The following TENM3 variants were observed in gnomAD, a reference collection of about 807,000 sequenced individuals.
TENM3 encodes the protein teneurin transmembrane protein 3.
Under a neutral mutation model 255.1 loss-of-function variants are expected in TENM3, and 63 were observed. That is an observed-to-expected ratio of 0.25 (90% CI 0.20 to 0.30). The LOEUF is 0.30. TENM3 is among the 10% of genes least tolerant of loss of function. TENM3 has a pLI of 1.00. For missense variants in TENM3, 2,929 were observed against 3,461.1 expected, an observed-to-expected ratio of 0.85 and a Z score of 3.86; for synonymous variants, 1,306 against 1,322.3, an observed-to-expected ratio of 0.99 and a Z score of 0.27.
chr4:181,690,621 A>G, the TENM3 span, among the ~76,000 whole-genome samples: 1 of 151,406 alleles, frequency 6.6e-6, no homozygotes, highest in Admixed American at 6.6e-5. Context: ...TGCTCATTCA[A>G]ACCAGAGAGA....
At chr4:182,615,975 T>G (rs1749476320) in intron 4 of TENM3, among the ~76,000 whole-genome samples, 2 of 152,172 alleles carry the variant, frequency 1.3e-5, no homozygotes, top group South Asian at 4.1e-4. Context: ...CTTACTGCAG[T>G]GATTCTCAGA....
At chr4:182,606,523 CAAAAA>C (rs746315807) in intron 4 of TENM3, among the ~76,000 whole-genome samples, 4 of 51,724 alleles carry the variant, frequency 7.7e-5, no homozygotes, top group Non-Finnish European at 1.4e-4. Context: ...GACTCTGTCT[CAAAAA>C]AAAAAAAAAA....
At chr4:182,214,071 G>T (rs974153801) in intron 1 of TENM3, among the ~76,000 whole-genome samples, 4 of 152,130 alleles carry the variant, frequency 2.6e-5, no homozygotes, top group African/African-American at 7.2e-5. Context: ...CCAAGTGCTG[G>T]GATTACAGGT....
the TENM3 span, among the ~76,000 whole-genome samples, chr4:181,579,300 C>G: frequency 6.6e-6 from 1 of 152,156 alleles, no homozygotes; most frequent in African/African-American, 2.4e-5. Context: ...CTCCTAACCA[C>G]TCCCCCCACA....
the TENM3 span, among the ~76,000 whole-genome samples, chr4:181,874,888 G>T: frequency 6.6e-6 from 1 of 152,220 alleles, no homozygotes; most frequent in South Asian, 2.1e-4. Context: ...CAAATATAGA[G>T]TTCCCTCTAT....
chr4:182,228,076 G>A (rs530064648), intron 1 of TENM3, among the ~76,000 whole-genome samples: 2 of 152,168 alleles, frequency 1.3e-5, no homozygotes, highest in African/African-American at 4.8e-5. Flanking sequence ...GAGCGGGTTG[G>A]GGCAGGAGGA....
At chr4:182,477,114 G>C (rs1321215384) in intron 3 of TENM3, among the ~76,000 whole-genome samples, 1 of 152,166 alleles carries the variant, frequency 6.6e-6, no homozygotes, top group Non-Finnish European at 1.5e-5. Context: ...AGTGACCTTG[G>C]CTGCTGTGTA....
chr4:182,317,748 CTTAA>C (rs1454083589), intron 1 of TENM3, among the ~76,000 whole-genome samples: 1 of 151,620 alleles, frequency 6.6e-6, no homozygotes, highest in Non-Finnish European at 1.5e-5. Context: ...TATTTTTGTA[CTTAA>C]TTATTTCAAT....
intron 3 of TENM3, among the ~76,000 whole-genome samples, chr4:182,526,488 T>C (rs1739199170): frequency 6.6e-6 from 1 of 152,164 alleles, no homozygotes; most frequent in Admixed American, 6.5e-5. Context: ...TGGGACTCTA[T>C]ACCTGACATC....
chr4:181,723,613 A>C, the TENM3 span, among the ~76,000 whole-genome samples: 1 of 152,122 alleles, frequency 6.6e-6, no homozygotes, highest in African/African-American at 2.4e-5. Context: ...GTTGTAGTTC[A>C]AAAGTTCTTC....
At chr4:181,920,703 AGTTT>A in the TENM3 span, among the ~76,000 whole-genome samples, 1 of 151,454 alleles carries the variant, frequency 6.6e-6, no homozygotes. Context: ...CTCTGATGGT[AGTTT>A]CTTTTGCTGT....
At chr4:182,420,497 T>A (rs1770749414) in intron 3 of TENM3, among the ~76,000 whole-genome samples, 1 of 152,240 alleles carries the variant, frequency 6.6e-6, no homozygotes, top group African/African-American at 2.4e-5. Context: ...ACGACTCTTC[T>A]GTGAAATGAC....
At chr4:182,653,184 G>C (rs12331243) in intron 5 of TENM3, among the ~76,000 whole-genome samples, 79,986 of 151,980 alleles carry the variant, frequency 0.53, 22,282 homozygotes, top group African/African-American at 0.7. Flanking sequence ...ACATGTACAT[G>C]CTTTTTAATC....
In TENM3 at chr4:182,575,874, A is replaced by G. The variant is rs548069777; in HGVS notation, c.512-25050A>G. On this transcript the variant is annotated intron_variant, in intron 3 of 27. Coordinates refer to ENST00000511685, the MANE Select transcript of TENM3 (RefSeq NM_001080477.4). ...CCCTAAACATGAATAATAATAAGTC[A>G]GAGAGTAAAGTTCTAGGTTGAAATA... Among the ~76,000 whole-genome samples, 13 of 152,356 alleles carry G rather than the reference A, an allele frequency of 8.5e-5. No homozygotes were observed. The East Asian group carries it at 2.1e-3, about 25-fold the overall frequency.
the TENM3 span, among the ~76,000 whole-genome samples, chr4:181,779,459 G>C: frequency 8.6e-5 from 13 of 151,402 alleles, no homozygotes; most frequent in Non-Finnish European, 1.8e-4. Context: ...AAACCACCCT[G>C]GGATGTATCT....
chr4:182,519,411 A>G (rs1194856340), intron 3 of TENM3, among the ~76,000 whole-genome samples: 2 of 152,204 alleles, frequency 1.3e-5, no homozygotes, highest in East Asian at 3.8e-4. Flanking sequence ...CTACTCAGAA[A>G]TAAGCATTGT....
the TENM3 span, among the ~76,000 whole-genome samples, chr4:182,066,493 C>T: frequency 9.2e-4 from 139 of 151,442 alleles, no homozygotes; most frequent in Non-Finnish European, 1.7e-3. Context: ...CATTAGGGAA[C>T]GAATTTAAGA....
the TENM3 span, among the ~76,000 whole-genome samples, chr4:181,985,314 A>G: frequency 1.4e-3 from 208 of 145,524 alleles, 12 homozygotes; most frequent in South Asian, 0.044. Context: ...TAAGGTTCCC[A>G]TAGAGAAAAA....
chr4:182,180,078 G>A lies in TENM3; in HGVS notation c.-76+35324G>A, dbSNP rs993676947. Among the ~76,000 whole-genome samples the A allele has an allele frequency of 1.9e-3, 286 of 151,720 alleles. 2 individuals are homozygous for A. The highest frequency in any genetic ancestry group is 2.1e-4 in the Non-Finnish European group (14 of 67,958). Reference sequence around the variant, plus strand: ...GTCTTTAATAGTTGGAATTGCACATGCACTAGAAATTTAAATAAAACCTAC... The same window carrying A: ...GTCTTTAATAGTTGGAATTGCACATACACTAGAAATTTAAATAAAACCTAC... On this transcript the variant is annotated intron_variant, in intron 1 of 2. Coordinates refer to the TENM3 transcript ENST00000512480.
Sources: allele counts gnomAD v4.1 joint callset (sites outside exome capture counted in the v4.1 genomes callset), GRCh38; gene constraint gnomAD v4.1.1; transcripts MANE v1.5; gene names NCBI Gene and HGNC (gene_info 2026-07-23, HGNC 2026-07-21).